CSNK1A1: variants seen among roughly 807,000 people sequenced by gnomAD.
The protein encoded by CSNK1A1 is casein kinase I isoform alpha.
Under a neutral mutation model 46.1 loss-of-function variants are expected in CSNK1A1, and 7 were observed. The ratio of observed to expected loss-of-function variants is 0.15; its 90% CI spans 0.09 to 0.29. The LOEUF (loss-of-function observed/expected upper bound fraction) is 0.29, where lower values mean the gene tolerates loss of function less well. Among genes scored for constraint, CSNK1A1 ranks in the 10% least tolerant of loss-of-function variants. The pLI, the probability that CSNK1A1 is intolerant of heterozygous loss-of-function variation, is 1.00. For missense variants in CSNK1A1, 96 were observed against 417.1 expected (o/e 0.23, Z 6.71); for synonymous variants, 137 against 141.5 (o/e 0.97, Z 0.23).
chr5:149,504,827 T>C, intron 9 of CSNK1A1: 1 of 985,436 alleles, frequency 1.0e-6, no homozygotes, highest in Non-Finnish European at 1.2e-6. Flanking sequence ...AAAAGAATTA[T>C]TTTTGTGACT....
At chr5:149,545,487 C>A (rs1762449729) in intron 2 of CSNK1A1, 14 of 587,212 alleles carry the variant, frequency 2.4e-5, no homozygotes, top group Non-Finnish European at 3.7e-5. Context: ...TGGCCTTTGG[C>A]CCACACAGTC....
intron 2 of CSNK1A1, among the ~76,000 whole-genome samples, chr5:149,535,506 T>A (rs779290462): frequency 6.6e-6 from 1 of 152,198 alleles, no homozygotes; most frequent in Non-Finnish European, 1.5e-5. Flanking sequence ...AAGGCTCAAG[T>A]GACTTACCTC....
intron 7 of CSNK1A1, 137 bp downstream of exon 7, chr5:149,509,742 A>G (rs1761156740): frequency 2.1e-6 from 1 of 474,564 alleles, no homozygotes; most frequent in Non-Finnish European, 3.8e-6. Context: ...GGGTTTCCCT[A>G]TGTTGCCCAG....
At position 149,520,441 on chromosome 5, in the gene CSNK1A1, A is replaced by C. The variant is rs1179879384; in HGVS notation, c.358-53T>G. ...TGAGTTAAGTAGTAAATGAAAATCA[A>C]CACATTTCTTAAGTATTTCAGTATC... is the stretch of plus-strand genomic sequence containing the variant. On this transcript the variant is annotated intron_variant, in intron 3 of 9. Transcript: ENST00000377843. 1.2e-5 allele frequency: 12 copies of C among 1,017,704 alleles called. No individual in the cohort carries two copies. In the East Asian group the frequency reaches 2.4e-4, roughly 20 times the overall value. 63.0% of individuals were successfully genotyped at this position (1,017,704 alleles called of 1,614,324 possible).
rs779291531 is a variant in CSNK1A1 at position 149,520,405 on chromosome 5, G to C, written c.358-17C>G. The C allele has an allele frequency of 1.9e-5, 27 of 1,437,000 alleles. No individual in the cohort carries two copies. In the Admixed American group the frequency reaches 3.4e-4, roughly 18 times the overall value. The allele number at this position is 1,437,000 out of a possible 1,614,324, so 89.0% of individuals were successfully genotyped here. ...ACTGATCATCTGGAAAAAAAAGAAG[G>C]GAGAGATAATTGAGTTAAGTAGTAA... On this transcript the variant is annotated splice_polypyrimidine_tract_variant and intron_variant, in intron 3 of 9. Coordinates refer to ENST00000377843, the MANE Select transcript of CSNK1A1 (RefSeq NM_001892.6).
chr5:149,507,150 T>TAAAACAAAGTTA lies in CSNK1A1; in HGVS notation c.751-29_751-18dup. 6.5e-7 allele frequency: 1 copy of TAAAACAAAGTTA among 1,544,824 alleles called. No individual in the cohort carries two copies. The highest frequency in any genetic ancestry group is 8.8e-7 in the Non-Finnish European group (1 of 1,132,200). The stretch of plus-strand genomic sequence containing the variant: ...AGGAAACCCCTATAGGTTCAAGGGT[T>TAAAACAAAGTTA]AAAACAAAGTTAAAAACAAACATTT... On this transcript the variant is annotated splice_polypyrimidine_tract_variant and intron_variant, in intron 7 of 9. Transcript: ENST00000377843.
chr5:149,501,368 G>A (rs753741652), intron 9 of CSNK1A1: 1 of 985,408 alleles, frequency 1.0e-6, no homozygotes, highest in Non-Finnish European at 1.2e-6. Context: ...AGACTGTCCA[G>A]GTATTTCAAA....
chr5:149,513,643 T>TG (rs1761304268), intron 4 of CSNK1A1, among the ~76,000 whole-genome samples: 1 of 152,328 alleles, frequency 6.6e-6, no homozygotes, highest in South Asian at 2.1e-4. Flanking sequence ...CTCACGCCTA[T>TG]AATCCCAGCA....
intron 3 of CSNK1A1, 104 bp downstream of exon 3, chr5:149,524,941 G>T: frequency 9.3e-7 from 1 of 1,080,986 alleles, no homozygotes; most frequent in Non-Finnish European, 1.3e-6. Context: ...CTATGCTAAG[G>T]TTAAATAGTG....
intron 3 of CSNK1A1, among the ~76,000 whole-genome samples, chr5:149,522,774 C>T (rs1160040136): frequency 5.3e-5 from 8 of 152,126 alleles, no homozygotes; most frequent in Admixed American, 5.2e-4. Flanking sequence ...ATTTGTTACC[C>T]GTGTACCCAA....
At position 149,513,110 on chromosome 5, in the gene CSNK1A1, G is replaced by A. The variant is rs2113092533; in HGVS notation, c.556C>T (p.Arg186Ter). 1 of 1,614,014 alleles carries A rather than the reference G, an allele frequency of 6.2e-7. No homozygotes were observed. Among genetic ancestry groups the A allele is most frequent in the Non-Finnish European group, 8.5e-7 (1 of 1,179,972 alleles). The change falls in exon 5 of 10, where the codon CGA becomes TGA. Residue 186 changes from arginine (R) to a stop codon, truncating the protein, a stop_gained. Coordinates refer to ENST00000377843, the MANE Select transcript of CSNK1A1 (RefSeq NM_001892.6). LOFTEE classifies it high-confidence loss of function. ...REDKNLTGTA[R>*]YASINAHLGI... ...AGATGTGCATTGATGCTAGCATATC[G>A]GGCAGTGCCAGTGAGGTTTTTATCT... is the stretch of plus-strand genomic sequence containing the variant.
chr5:149,520,771 G>A (rs949201012), intron 3 of CSNK1A1, among the ~76,000 whole-genome samples: 7 of 152,138 alleles, frequency 4.6e-5, no homozygotes, highest in Non-Finnish European at 1.0e-4. Context: ...CTGTTAAAAT[G>A]GCCTTGTATT....
intron 2 of CSNK1A1, among the ~76,000 whole-genome samples, chr5:149,532,329 C>T (rs1390392137): frequency 6.6e-6 from 1 of 151,636 alleles, no homozygotes; most frequent in East Asian, 1.9e-4. Flanking sequence ...CGGAGTGGCT[C>T]ATGCTGAGAT....
At chr5:149,510,612 G>T (rs1761188261) in intron 6 of CSNK1A1, among the ~76,000 whole-genome samples, 1 of 151,916 alleles carries the variant, frequency 6.6e-6, no homozygotes, top group South Asian at 2.1e-4. Context: ...CTGAGTAATT[G>T]GGGCTACAGG....
At chr5:149,522,260 T>C (rs1761595539) in intron 3 of CSNK1A1, among the ~76,000 whole-genome samples, 1 of 151,856 alleles carries the variant, frequency 6.6e-6, no homozygotes, top group Non-Finnish European at 1.5e-5. Context: ...GACATGCGCG[T>C]TACCATGCCC....
intron 3 of CSNK1A1, among the ~76,000 whole-genome samples, chr5:149,523,126 C>A (rs1051510338): frequency 1.3e-5 from 2 of 151,192 alleles, no homozygotes; most frequent in African/African-American, 4.9e-5. Context: ...CTGCAATCTC[C>A]ACCTCCTGGG....
At chr5:149,546,863 T>A (rs576884172) in intron 2 of CSNK1A1, among the ~76,000 whole-genome samples, 1 of 152,266 alleles carries the variant, frequency 6.6e-6, no homozygotes, top group South Asian at 2.1e-4. Context: ...CATGTATAGG[T>A]GATACAGAAA....
At position 149,544,737 on chromosome 5, in the gene CSNK1A1, T is replaced by TATATATATATATATATATATATA. The variant is rs1554118044; in HGVS notation, c.230+5337_230+5338insTATATATATATATATATATATAT. On this transcript the variant is annotated intron_variant, in intron 2 of 9. Coordinates refer to ENST00000377843, the MANE Select transcript of CSNK1A1 (RefSeq NM_001892.6). The stretch of plus-strand genomic sequence containing the variant: ...GTGAGGATGATGAGGGTAAAGAGCT[T>TATATATATATATATATATATATA]TATATATATATATATATATATATAT... Among the ~76,000 whole-genome samples, 93 of 80,780 alleles carry TATATATATATATATATATATATA rather than the reference T, an allele frequency of 1.2e-3. 1 individual carries two copies. The highest frequency in any genetic ancestry group is 3.8e-3 in the African/African-American group (58 of 15,324). The allele number at this position is 80,780 out of a possible 152,430, so 53.0% of individuals were successfully genotyped here.
At chr5:149,542,435 C>A in intron 2 of CSNK1A1, among the ~76,000 whole-genome samples, 1 of 145,204 alleles carries the variant, frequency 6.9e-6, no homozygotes, top group South Asian at 2.2e-4. Context: ...CATTCCCACC[C>A]CCACCCCACC....
Sources: gnomAD v4.1 joint callset for allele counts (sites outside exome capture counted in the v4.1 genomes callset) on GRCh38, gnomAD v4.1.1 for gene constraint, MANE v1.5 for transcripts, NCBI Gene and HGNC (gene_info 2026-07-23, HGNC 2026-07-21) for gene names.